Variants in RABGAP1L observed in about 807,000 individuals in gnomAD.
RABGAP1L encodes the protein RAB GTPase activating protein 1 like.
RABGAP1L carries 63 observed loss-of-function variants against 137.7 expected under a neutral mutation model. The ratio of observed to expected loss-of-function variants is 0.46; its 90% CI spans 0.37 to 0.56. RABGAP1L has a LOEUF of 0.56. Ranked by LOEUF, RABGAP1L falls within the 20% of genes least tolerant of loss-of-function variation. The pLI is 0.00. For synonymous variants in RABGAP1L, 431 were observed against 433.7 expected, an observed-to-expected ratio of 0.99 and a Z score of 0.08; for missense variants, 1,095 against 1,244.0, an observed-to-expected ratio of 0.88 and a Z score of 1.80.
chr1:174,459,320 A>G (rs1656404109), intron 13 of RABGAP1L, among the ~76,000 whole-genome samples: 1 of 152,166 alleles, frequency 6.6e-6, no homozygotes, highest in South Asian at 2.1e-4. Context: ...CAAGTTTAGT[A>G]AATCAGTAAG....
intron 13 of RABGAP1L, among the ~76,000 whole-genome samples, chr1:174,459,400 A>G (rs1656414620): frequency 6.6e-6 from 1 of 152,100 alleles, no homozygotes. Flanking sequence ...ATAAAAGGAA[A>G]CACTTACACA....
intron 19 of RABGAP1L, among the ~76,000 whole-genome samples, chr1:174,858,814 C>G (rs374706190): frequency 3.9e-5 from 6 of 152,282 alleles, no homozygotes; most frequent in African/African-American, 1.2e-4. Flanking sequence ...AAAGATCCTA[C>G]TATCTGGTAA....
At chr1:174,299,010 T>C (rs999911237) in intron 10 of RABGAP1L, among the ~76,000 whole-genome samples, 5 of 152,356 alleles carry the variant, frequency 3.3e-5, no homozygotes, top group South Asian at 2.1e-4. Flanking sequence ...ATGGCAAATA[T>C]AAGTTTTGAA....
intron 21 of RABGAP1L, among the ~76,000 whole-genome samples, chr1:174,972,201 A>G (rs1190064516): frequency 6.6e-6 from 1 of 152,212 alleles, no homozygotes; most frequent in Non-Finnish European, 1.5e-5. Context: ...CATGATTAGT[A>G]CTGTCCTGCT....
At chr1:174,731,376 T>C (rs1280567420) in intron 17 of RABGAP1L, among the ~76,000 whole-genome samples, 1 of 152,236 alleles carries the variant, frequency 6.6e-6, no homozygotes, top group East Asian at 1.9e-4. Flanking sequence ...CAGGTTGCAC[T>C]ATCATCCTGT....
intron 19 of RABGAP1L, among the ~76,000 whole-genome samples, chr1:174,856,536 A>C (rs2149004432): frequency 6.6e-6 from 1 of 152,318 alleles, no homozygotes; most frequent in Middle Eastern, 3.4e-3. Context: ...GGACAGTTTT[A>C]AAATACAACT....
chr1:174,437,158 G>C (rs916181260), intron 13 of RABGAP1L, among the ~76,000 whole-genome samples: 1 of 152,190 alleles, frequency 6.6e-6, no homozygotes, highest in Non-Finnish European at 1.5e-5. Context: ...AAAAATCAGA[G>C]TGCCTCTCCT....
In RABGAP1L at chr1:174,618,723, AAGTC is replaced by A. The variant is rs1243881531; in HGVS notation, c.1711-18649_1711-18646del. Among the ~76,000 whole-genome samples the A allele has an allele frequency of 4.6e-5, 7 of 152,298 alleles. No individual in the cohort carries two copies. The East Asian group carries it at 1.4e-3, about 29-fold the overall frequency. On this transcript the variant is annotated intron_variant, in intron 13 of 25. Transcript: ENST00000681986. ...AGAGCAGAAAAAATGGAAACTCTAA[AAGTC>A]AGAGTGCCTCTCCTCCTCCAAAAAC...
intron 13 of RABGAP1L, among the ~76,000 whole-genome samples, chr1:174,409,088 A>G (rs1315883860): frequency 6.6e-6 from 1 of 151,990 alleles, no homozygotes; most frequent in Non-Finnish European, 1.5e-5. Context: ...TTGTTAATTT[A>G]TGTTTTCTTG....
chr1:174,677,191 A>G (rs961507099), intron 14 of RABGAP1L, among the ~76,000 whole-genome samples: 1 of 146,080 alleles, frequency 6.8e-6, no homozygotes, highest in African/African-American at 2.6e-5. Flanking sequence ...GCATGGTGGC[A>G]TGTGCCTGTA....
At chr1:174,479,978 A>G (rs1298528393) in intron 13 of RABGAP1L, among the ~76,000 whole-genome samples, 2 of 152,226 alleles carry the variant, frequency 1.3e-5, no homozygotes, top group African/African-American at 2.4e-5. Context: ...CACATATAAA[A>G]TACAGAGTTG....
intron 13 of RABGAP1L, among the ~76,000 whole-genome samples, chr1:174,573,235 A>G (rs1335734614): frequency 7.0e-6 from 1 of 142,918 alleles, no homozygotes; most frequent in Non-Finnish European, 1.6e-5. Context: ...ATATATGTTT[A>G]TATGTATGTG....
At chr1:174,886,877 G>A (rs1262492950) in intron 19 of RABGAP1L, among the ~76,000 whole-genome samples, 2 of 151,748 alleles carry the variant, frequency 1.3e-5, no homozygotes, top group Admixed American at 1.3e-4. Context: ...CGCAATCTCG[G>A]CTTACTGTAA....
At chr1:174,164,687 T>G (rs1291382211) in intron 1 of RABGAP1L, among the ~76,000 whole-genome samples, 1 of 152,248 alleles carries the variant, frequency 6.6e-6, no homozygotes, top group Non-Finnish European at 1.5e-5. Flanking sequence ...GTTAAACATT[T>G]ATAGCACCCC....
intron 10 of RABGAP1L, among the ~76,000 whole-genome samples, chr1:174,282,621 T>C (rs1003703404): frequency 2.6e-5 from 4 of 152,210 alleles, no homozygotes; most frequent in Admixed American, 2.6e-4. Flanking sequence ...TACATTTCGA[T>C]GAAGTCATAT....
chr1:174,932,738 A>C (rs932122625), intron 19 of RABGAP1L, among the ~76,000 whole-genome samples: 2 of 152,142 alleles, frequency 1.3e-5, no homozygotes, highest in Non-Finnish European at 1.5e-5. Flanking sequence ...TTTATTCAGT[A>C]TTATATCTTA....
At chr1:174,461,129 T>C (rs1432151641) in intron 13 of RABGAP1L, among the ~76,000 whole-genome samples, 1 of 152,188 alleles carries the variant, frequency 6.6e-6, no homozygotes, top group Non-Finnish European at 1.5e-5. Context: ...CACCTAGATA[T>C]TGCGTTTGAG....
rs148551065 is a variant in RABGAP1L at position 174,680,698 on chromosome 1, C to T, written c.1825-2824C>T. On this transcript the variant is annotated intron_variant, in intron 14 of 25. Coordinates refer to ENST00000681986, the MANE Select transcript of RABGAP1L (RefSeq NM_001366446.1). ...ATCACTTGAGCCTAGGAGCTCCAGA[C>T]CTGGGCAACATGGCAAAACCCCATC... Among the ~76,000 whole-genome samples the T allele has an allele frequency of 4.7e-4, 72 of 152,128 alleles. No individual in the cohort carries two copies. The Middle Eastern group carries it at 0.014, about 29-fold the overall frequency.
intron 13 of RABGAP1L, among the ~76,000 whole-genome samples, chr1:174,547,120 A>G (rs1321589200): frequency 6.7e-6 from 1 of 150,224 alleles, no homozygotes; most frequent in East Asian, 2.0e-4. Context: ...TTTAAAACTG[A>G]GTTTTGACAT....
Sources: allele counts gnomAD v4.1 joint callset (sites outside exome capture counted in the v4.1 genomes callset), GRCh38; gene constraint gnomAD v4.1.1; transcripts MANE v1.5; gene names NCBI Gene and HGNC (gene_info 2026-07-23, HGNC 2026-07-21).